The following CDYL variants were observed in gnomAD, a reference collection of about 807,000 sequenced individuals.
CDYL encodes the protein chromodomain Y like, also known as chromodomain Y-like protein.
CDYL carries 8 observed loss-of-function variants against 47.3 expected under a neutral mutation model. The observed-to-expected ratio is 0.17, with a 90% CI of 0.10 to 0.31. The LOEUF is 0.31. Ranked by LOEUF, CDYL falls within the 10% of genes least tolerant of loss-of-function variation. The probability of loss-of-function intolerance (pLI) is 1.00; values close to 1 mark genes in which losing one functional copy is unlikely to be tolerated. For synonymous variants in CDYL, 266 were observed against 265.0 expected, an observed-to-expected ratio of 1.00 and a Z score of -0.04; for missense variants, 471 against 701.4, an observed-to-expected ratio of 0.67 and a Z score of 3.71.
intron 5 of CDYL, among the ~76,000 whole-genome samples, chr6:4,949,750 C>G (rs1758639681): frequency 6.6e-6 from 1 of 152,224 alleles, no homozygotes; most frequent in Admixed American, 6.5e-5. Flanking sequence ...TAAGAATATG[C>G]TCACGCAAAT....
intron 1 of CDYL, among the ~76,000 whole-genome samples, chr6:4,840,314 T>C (rs1181231659): frequency 6.6e-6 from 1 of 152,170 alleles, no homozygotes; most frequent in Non-Finnish European, 1.5e-5. Flanking sequence ...GGAAGAATCT[T>C]TAGGAGTTTC....
intron 1 of CDYL, among the ~76,000 whole-genome samples, chr6:4,819,778 G>A (rs916426397): frequency 1.6e-4 from 25 of 152,326 alleles, no homozygotes; most frequent in African/African-American, 5.8e-4. Context: ...TCATAGCCAG[G>A]TTGGGGTTGA....
At chr6:4,748,943 G>A (rs188542863) in intron 3 of CDYL, among the ~76,000 whole-genome samples, 2 of 152,306 alleles carry the variant, frequency 1.3e-5, no homozygotes, top group East Asian at 3.9e-4. Flanking sequence ...GAGACTGGAA[G>A]GGATCTTAGC....
At position 4,946,743 on chromosome 6, in the gene CDYL, G is replaced by A. The variant is rs148089952; in HGVS notation, c.1332+2987G>A. Among the ~76,000 whole-genome samples, 43 of 152,170 alleles carry A rather than the reference G, an allele frequency of 2.8e-4. No homozygotes were observed. The South Asian group carries it at 3.3e-3, about 12-fold the overall frequency. On this transcript the variant is annotated intron_variant, in intron 5 of 6. Coordinates refer to ENST00000397588, the MANE Select transcript of CDYL (RefSeq NM_004824.4). ...TGTGGTCATGTGGGGTCCCGTGGTC[G>A]GGCGCTTTGCCTCTCCCAGTCCCAG... is the stretch of plus-strand genomic sequence containing the variant.
At chr6:4,839,818 A>G (rs141401649) in intron 1 of CDYL, among the ~76,000 whole-genome samples, 12,515 of 152,180 alleles carry the variant, frequency 0.082, 632 homozygotes, top group South Asian at 0.14. Flanking sequence ...TTTGGTGACT[A>G]TGGCCTGGTA....
At chr6:4,721,682 A>C (rs925909741) in intron 2 of CDYL, among the ~76,000 whole-genome samples, 1 of 151,864 alleles carries the variant, frequency 6.6e-6, no homozygotes, top group Non-Finnish European at 1.5e-5. Context: ...TGCCTGGCCC[A>C]GAACTTCCTA....
intron 2 of CDYL, among the ~76,000 whole-genome samples, chr6:4,726,581 G>T (rs1051611609): frequency 6.6e-6 from 1 of 151,338 alleles, no homozygotes; most frequent in Non-Finnish European, 1.5e-5. Flanking sequence ...CACACCTGTG[G>T]TCCCACCTAT....
At chr6:4,845,507 G>A (rs1760630142) in intron 1 of CDYL, among the ~76,000 whole-genome samples, 1 of 152,260 alleles carries the variant, frequency 6.6e-6, no homozygotes, top group South Asian at 2.1e-4. Flanking sequence ...GTTCCTCATT[G>A]AGCTTTTACG....
At chr6:4,945,003 A>G (rs1758469366) in intron 5 of CDYL, among the ~76,000 whole-genome samples, 1 of 152,098 alleles carries the variant, frequency 6.6e-6, no homozygotes, top group African/African-American at 2.4e-5. Context: ...GTCTGCAGAC[A>G]CCCGCAGTGC....
intron 3 of CDYL, among the ~76,000 whole-genome samples, chr6:4,767,334 G>A (rs532751680): frequency 6.6e-6 from 1 of 152,114 alleles, no homozygotes; most frequent in Admixed American, 6.5e-5. Context: ...TAGCACTTCG[G>A]GAGGCTGAGG....
intron 1 of CDYL, among the ~76,000 whole-genome samples, chr6:4,708,177 CAT>C (rs1757082225): frequency 4.2e-5 from 5 of 118,296 alleles, no homozygotes; most frequent in African/African-American, 2.3e-4. Context: ...CACACACACA[CAT>C]ATATATATAT....
intron 5 of CDYL, among the ~76,000 whole-genome samples, chr6:4,948,890 T>C (rs142390265): frequency 1.5e-3 from 227 of 152,376 alleles, no homozygotes; most frequent in Middle Eastern, 3.4e-3. Flanking sequence ...AAAGTGACTA[T>C]GCAGATGATG....
intron 1 of CDYL, among the ~76,000 whole-genome samples, chr6:4,852,273 A>C (rs79378802): frequency 0.023 from 3,502 of 152,254 alleles, 137 homozygotes; most frequent in African/African-American, 0.08. Context: ...GCTGTCACCA[A>C]CTGGGGCAAA....
chr6:4,852,552 C>CAA (rs1351586531), intron 1 of CDYL, among the ~76,000 whole-genome samples: 21 of 130,676 alleles, frequency 1.6e-4, no homozygotes, highest in Non-Finnish European at 2.5e-4. Flanking sequence ...TCCTTCCTTC[C>CAA]TTCCTTCCAA....
intron 1 of CDYL, among the ~76,000 whole-genome samples, chr6:4,711,743 A>G (rs1757156265): frequency 6.6e-6 from 1 of 152,128 alleles, no homozygotes; most frequent in Admixed American, 6.5e-5. Flanking sequence ...CTGAGGCTAC[A>G]GGAGGGCAGA....
chr6:4,841,336 G>A (rs1336334958), intron 1 of CDYL, among the ~76,000 whole-genome samples: 3 of 151,828 alleles, frequency 2.0e-5, no homozygotes, highest in Non-Finnish European at 4.4e-5. Flanking sequence ...TTTATCTTTT[G>A]AAAGAACCAG....
At chr6:4,936,972 A>G (rs1201552050) in intron 3 of CDYL, among the ~76,000 whole-genome samples, 1 of 152,246 alleles carries the variant, frequency 6.6e-6, no homozygotes, top group Non-Finnish European at 1.5e-5. Context: ...ACAGAAAATG[A>G]GACATTTGCA....
intron 5 of CDYL, among the ~76,000 whole-genome samples, chr6:4,950,085 G>A (rs775410805): frequency 6.6e-6 from 1 of 152,162 alleles, no homozygotes; most frequent in Non-Finnish European, 1.5e-5. Context: ...GTTCTCGGCT[G>A]GTATCAGGCC....
intron 5 of CDYL, 113 bp downstream of exon 5, chr6:4,943,869 T>G (rs898072090): frequency 1.3e-6 from 1 of 764,826 alleles, no homozygotes; most frequent in Non-Finnish European, 2.0e-6. Flanking sequence ...CTGTGGGGAC[T>G]TTCCATCTTG....
Sources: allele counts gnomAD v4.1 joint callset (sites outside exome capture counted in the v4.1 genomes callset), GRCh38; gene constraint gnomAD v4.1.1; transcripts MANE v1.5; gene names NCBI Gene and HGNC (gene_info 2026-07-23, HGNC 2026-07-21).